Variants in WRN observed in about 807,000 individuals in gnomAD.
WRN encodes WRN RecQ like helicase, also known as bifunctional 3'-5' exonuclease/ATP-dependent helicase WRN.
A neutral mutation model predicts 180.7 loss-of-function variants in WRN; 149 were observed. The observed-to-expected ratio is 0.82, with a 90% CI of 0.72 to 0.94. The LOEUF is 0.94. WRN is among the 40% of genes least tolerant of loss of function. The probability of loss-of-function intolerance (pLI) is 0.00; values close to 1 mark genes in which losing one functional copy is unlikely to be tolerated. For synonymous variants in WRN, 548 were observed against 568.9 expected (o/e 0.96, Z 0.52); for missense variants, 1,661 against 1,700.1 (o/e 0.98, Z 0.40).
intron 1 of WRN, among the ~76,000 whole-genome samples, chr8:31,056,303 A>G (rs1015781306): frequency 3.3e-5 from 5 of 152,196 alleles, no homozygotes; most frequent in African/African-American, 1.2e-4. Flanking sequence ...TTATAAATAT[A>G]TATTTTAAGA....
intron 1 of WRN, among the ~76,000 whole-genome samples, chr8:31,041,372 T>G (rs1300945291): frequency 6.6e-6 from 1 of 152,154 alleles, no homozygotes; most frequent in Non-Finnish European, 1.5e-5. Flanking sequence ...TTCAACAAAT[T>G]GAAGGCCCAC....
intron 1 of WRN, among the ~76,000 whole-genome samples, chr8:31,054,849 A>G (rs867183905): frequency 6.6e-5 from 10 of 152,198 alleles, no homozygotes; most frequent in African/African-American, 2.4e-4. Context: ...TGTCACCTAC[A>G]TATTAAGCCC....
At chr8:31,061,081 C>G (rs1812468081) in intron 3 of WRN, among the ~76,000 whole-genome samples, 1 of 152,174 alleles carries the variant, frequency 6.6e-6, no homozygotes, top group African/African-American at 2.4e-5. Context: ...TTCTGGGACT[C>G]TTAGTACACA....
chr8:31,167,073 C>G lies in WRN; in HGVS notation c.4034C>G (p.Thr1345Arg). The part of the protein sequence containing the change: ...IRMLVPENID[T>R]YLIHMAIEIL... ...ATGTTAGTTCCTGAAAACATTGACACGTACCTTATCCACATGGCAATTGAG... is the reference window on the plus strand; with the variant it reads ...ATGTTAGTTCCTGAAAACATTGACAGGTACCTTATCCACATGGCAATTGAG... The change falls in exon 34 of 35, where the codon ACG becomes AGG. Residue 1345 changes from threonine to arginine, a missense_variant. Coordinates refer to ENST00000298139, the MANE Select transcript of WRN (RefSeq NM_000553.6). The G allele has an allele frequency of 6.2e-7, 1 of 1,613,250 alleles. No individual in the cohort carries two copies. The highest frequency in any genetic ancestry group is 8.5e-7 in the Non-Finnish European group (1 of 1,179,456).
At chr8:31,128,370 T>C (rs1030325550) in intron 23 of WRN, among the ~76,000 whole-genome samples, 1 of 152,156 alleles carries the variant, frequency 6.6e-6, no homozygotes, top group African/African-American at 2.4e-5. Context: ...CAAGTATTTT[T>C]ACTTCATGAC....
intron 12 of WRN, among the ~76,000 whole-genome samples, chr8:31,088,274 G>C (rs1813614255): frequency 6.6e-6 from 1 of 151,924 alleles, no homozygotes; most frequent in African/African-American, 2.4e-5. Context: ...CCCTTTCTTG[G>C]CCACTCAGGA....
In WRN at chr8:31,088,933, C is replaced by A; in HGVS notation, c.1620C>A (p.Leu540=). Residue 540 remains leucine, a synonymous_variant, in exon 13 of 35, where the codon CTC becomes CTA. Coordinates refer to ENST00000298139, the MANE Select transcript of WRN (RefSeq NM_000553.6). The stretch of plus-strand genomic sequence containing the variant: ...CCAATGAAGAGCAAGTTACTTGCCT[C>A]AAGATGTACTTTGGCCATTCCAGTT... The part of the protein sequence containing the change: ...PAPNEEQVTC[L]KMYFGHSSFK... 6.2e-7 allele frequency: 1 copy of A among 1,611,534 alleles called. No individual in the cohort carries two copies. Among genetic ancestry groups the A allele is most frequent in the Non-Finnish European group, 8.5e-7 (1 of 1,178,726 alleles).
chr8:31,155,917 A>T (rs1315051262), intron 32 of WRN, among the ~76,000 whole-genome samples: 1 of 152,246 alleles, frequency 6.6e-6, no homozygotes, highest in African/African-American at 2.4e-5. Context: ...AAGAATAAAC[A>T]GTCCATAGCT....
chr8:31,143,956 C>T (rs1378281322), intron 28 of WRN, among the ~76,000 whole-genome samples: 2 of 152,154 alleles, frequency 1.3e-5, no homozygotes, highest in Non-Finnish European at 2.9e-5. Context: ...AAGAAGTTGA[C>T]AAACTTGTTC....
At chr8:31,062,322 A>G (rs1563328427) in intron 3 of WRN, among the ~76,000 whole-genome samples, 1 of 152,030 alleles carries the variant, frequency 6.6e-6, no homozygotes, top group African/African-American at 2.4e-5. Context: ...TTTAACAACT[A>G]TTAAATAGGC....
At chr8:31,095,904 C>T (rs184390065) in intron 16 of WRN, among the ~76,000 whole-genome samples, 1 of 152,274 alleles carries the variant, frequency 6.6e-6, no homozygotes, top group Non-Finnish European at 1.5e-5. Context: ...CTTTTCAACC[C>T]ATATGCCTGC....
chr8:31,050,360 T>G (rs1257331040), intron 1 of WRN, among the ~76,000 whole-genome samples: 4 of 152,162 alleles, frequency 2.6e-5, no homozygotes, highest in Admixed American at 2.6e-4. Context: ...ATGTGGATAT[T>G]AGAGTCTGAG....
chr8:31,115,312 A>T (rs1801478270), intron 19 of WRN, among the ~76,000 whole-genome samples: 1 of 152,268 alleles, frequency 6.6e-6, no homozygotes, highest in Non-Finnish European at 1.5e-5. Flanking sequence ...AGATTTGAAC[A>T]GATTATTCAG....
chr8:31,072,795 A>G (rs1812959210), intron 7 of WRN, among the ~76,000 whole-genome samples: 1 of 152,152 alleles, frequency 6.6e-6, no homozygotes. Context: ...TGCTCGGGAA[A>G]ATTTACAAAC....
chr8:31,040,638 G>T (rs1811616904), intron 1 of WRN, among the ~76,000 whole-genome samples: 4 of 152,124 alleles, frequency 2.6e-5, no homozygotes, highest in Admixed American at 2.6e-4. Context: ...ATTGGCTATA[G>T]GATTTGACAA....
chr8:31,132,132 AG>A (rs1191905971), intron 23 of WRN, among the ~76,000 whole-genome samples: 1 of 152,084 alleles, frequency 6.6e-6, no homozygotes, highest in Admixed American at 6.6e-5. Flanking sequence ...ACTTGCTTCT[AG>A]GACACTAGGA....
rs147661728 is a variant in WRN at position 31,065,044 on chromosome 8, C to T, written c.485C>T (p.Thr162Ile). The change falls in exon 5 of 35, where the codon ACA (threonine) becomes ATA (isoleucine). Residue 162 changes from threonine to isoleucine, a missense_variant. Coordinates refer to ENST00000298139, the MANE Select transcript of WRN (RefSeq NM_000553.6). ...DIKLKNFVELTDVANKKLKCT... is the reference protein window; with the variant it reads ...DIKLKNFVELIDVANKKLKCT... ...AAATTGAAGAATTTTGTGGAGTTGA[C>T]AGATGTTGCCAATAAAAAGGTAAAA... 6.8e-6 allele frequency: 11 copies of T among 1,613,114 alleles called. No homozygotes were observed. The African/African-American group carries it at 1.5e-4, about 22-fold the overall frequency.
chr8:31,052,082 G>T (rs774989738), intron 1 of WRN, among the ~76,000 whole-genome samples: 7 of 152,170 alleles, frequency 4.6e-5, no homozygotes, highest in Non-Finnish European at 8.8e-5. Context: ...AGATCATCTG[G>T]CCTGTAAGGC....
intron 18 of WRN, among the ~76,000 whole-genome samples, chr8:31,109,726 G>A (rs1801232926): frequency 6.6e-6 from 1 of 152,108 alleles, no homozygotes; most frequent in Non-Finnish European, 1.5e-5. Context: ...GATTGGCACT[G>A]TTATTGTAGC....
Sources: allele counts gnomAD v4.1 joint callset (sites outside exome capture counted in the v4.1 genomes callset), GRCh38; gene constraint gnomAD v4.1.1; transcripts MANE v1.5; gene names NCBI Gene and HGNC (gene_info 2026-07-23, HGNC 2026-07-21).